Variants in RBFOX1 observed in about 807,000 individuals in gnomAD.
RBFOX1 encodes RNA binding fox-1 homolog 1.
In RBFOX1, 8 loss-of-function variants were observed where a neutral mutation model predicts 57.7. That is an observed-to-expected ratio of 0.14 (90% CI 0.08 to 0.25). The LOEUF (loss-of-function observed/expected upper bound fraction) is 0.25, where lower values mean the gene tolerates loss of function less well. Ranked by LOEUF, RBFOX1 falls within the 10% of genes least tolerant of loss-of-function variation. The pLI is 1.00. For missense variants in RBFOX1, 611 were observed against 548.5 expected (o/e 1.11, Z -1.14); for synonymous variants, 326 against 222.4 (o/e 1.47, Z -4.15).
At chr16:6,780,350 C>CATAT (rs1567216239) in intron 3 of RBFOX1, among the ~76,000 whole-genome samples, 4 of 82,956 alleles carry the variant, frequency 4.8e-5, no homozygotes, top group Non-Finnish European at 7.8e-5. Context: ...TATTTATATA[C>CATAT]ATATTTATAT....
intron 3 of RBFOX1, among the ~76,000 whole-genome samples, chr16:5,704,542 G>T (rs1030985657): frequency 6.6e-6 from 1 of 152,186 alleles, no homozygotes; most frequent in Non-Finnish European, 1.5e-5. Flanking sequence ...TTATTCAGCA[G>T]TCACACCGTT....
At chr16:6,613,507 C>G (rs572676446) in intron 2 of RBFOX1, among the ~76,000 whole-genome samples, 3 of 152,108 alleles carry the variant, frequency 2.0e-5, no homozygotes, top group African/African-American at 4.8e-5. Flanking sequence ...ATTAGCATCA[C>G]TTACATGCAA....
intron 1 of RBFOX1, among the ~76,000 whole-genome samples, chr16:6,300,106 G>C (rs1050772270): frequency 1.3e-5 from 2 of 152,122 alleles, no homozygotes; most frequent in African/African-American, 4.8e-5. Context: ...AACAAATACT[G>C]CATTATCTCA....
At chr16:6,239,340 C>G (rs975222761) in intron 1 of RBFOX1, among the ~76,000 whole-genome samples, 1 of 152,054 alleles carries the variant, frequency 6.6e-6, no homozygotes, top group Non-Finnish European at 1.5e-5. Flanking sequence ...GAAGGGACCA[C>G]AGTGTCCAAG....
chr16:5,334,746 A>G (rs1596554342), intron 1 of RBFOX1, among the ~76,000 whole-genome samples: 2 of 151,756 alleles, frequency 1.3e-5, no homozygotes, highest in South Asian at 2.1e-4. Flanking sequence ...ACCATGGGCA[A>G]TGTGGTACAC....
At chr16:5,283,226 G>A (rs1220816024) in intron 1 of RBFOX1, among the ~76,000 whole-genome samples, 1 of 152,234 alleles carries the variant, frequency 6.6e-6, no homozygotes, top group East Asian at 1.9e-4. Context: ...AGATGTCCAG[G>A]CAGCAGTTTG....
chr16:5,828,634 G>C (rs1330026260), intron 3 of RBFOX1, among the ~76,000 whole-genome samples: 2 of 152,172 alleles, frequency 1.3e-5, no homozygotes, highest in East Asian at 1.9e-4. Flanking sequence ...AGGAGGCAGA[G>C]GTTGCAGTGA....
chr16:5,853,463 C>G (rs1183067432), intron 3 of RBFOX1, among the ~76,000 whole-genome samples: 3 of 152,190 alleles, frequency 2.0e-5, no homozygotes, highest in Non-Finnish European at 4.4e-5. Flanking sequence ...CAGCCTGAGT[C>G]GGACACAGGC....
At chr16:6,554,103 A>C (rs1317528667) in intron 2 of RBFOX1, among the ~76,000 whole-genome samples, 2 of 152,222 alleles carry the variant, frequency 1.3e-5, no homozygotes. Flanking sequence ...GTGCAAAATG[A>C]AAATAACAAA....
At chr16:6,338,531 C>T (rs1166931071) in intron 2 of RBFOX1, among the ~76,000 whole-genome samples, 1 of 152,184 alleles carries the variant, frequency 6.6e-6, no homozygotes, top group Non-Finnish European at 1.5e-5. Context: ...AACAAATTCT[C>T]ATACAGTTGA....
At chr16:7,098,359 G>A (rs1383937124) in intron 4 of RBFOX1, among the ~76,000 whole-genome samples, 2 of 152,078 alleles carry the variant, frequency 1.3e-5, no homozygotes, top group Non-Finnish European at 1.5e-5. Context: ...TAGTGGAGAT[G>A]GGGTTTCGCC....
intron 3 of RBFOX1, among the ~76,000 whole-genome samples, chr16:6,895,627 G>C (rs2066703419): frequency 6.6e-6 from 1 of 151,520 alleles, no homozygotes; most frequent in South Asian, 2.1e-4. Flanking sequence ...AAAATGGAGA[G>C]TCATAGATCC....
intron 1 of RBFOX1, among the ~76,000 whole-genome samples, chr16:6,135,057 C>G (rs564529605): frequency 6.6e-6 from 1 of 152,112 alleles, no homozygotes; most frequent in Admixed American, 6.5e-5. Context: ...CAAGTGTTCT[C>G]GTTGTTCAAT....
intron 3 of RBFOX1, among the ~76,000 whole-genome samples, chr16:6,768,343 A>AT (rs144433815): frequency 0.11 from 17,395 of 151,734 alleles, 1,196 homozygotes; most frequent in African/African-American, 0.19. Context: ...TATTTCAAAA[A>AT]TTTTTTTTCT....
At chr16:7,431,765 C>A (rs1030324585) in intron 4 of RBFOX1, among the ~76,000 whole-genome samples, 1 of 152,146 alleles carries the variant, frequency 6.6e-6, no homozygotes, top group African/African-American at 2.4e-5. Flanking sequence ...GGTTAAGTGG[C>A]CTGCTTTAGA....
intron 3 of RBFOX1, among the ~76,000 whole-genome samples, chr16:6,850,216 A>G (rs2093991110): frequency 6.6e-6 from 1 of 152,216 alleles, no homozygotes; most frequent in Admixed American, 6.5e-5. Flanking sequence ...TGAAGCAGAA[A>G]TGATTCCTCT....
intron 1 of RBFOX1, among the ~76,000 whole-genome samples, chr16:5,378,442 A>T (rs889014121): frequency 1.3e-5 from 2 of 151,552 alleles, no homozygotes; most frequent in Non-Finnish European, 2.9e-5. Flanking sequence ...CTCCAGGAAG[A>T]GTCCTGGCTA....
At chr16:7,676,748 G>C (rs1473546128) in intron 13 of RBFOX1, 26 bp from the exon 14 acceptor site, 2 of 1,601,760 alleles carry the variant, frequency 1.2e-6, no homozygotes, top group South Asian at 1.1e-5. Context: ...CTACATTCCT[G>C]AGTCACATTT....
chr16:5,347,915 C>G (rs374857031), intron 1 of RBFOX1, among the ~76,000 whole-genome samples: 185 of 147,644 alleles, frequency 1.3e-3, no homozygotes, highest in African/African-American at 4.4e-3. Flanking sequence ...CCCCCTCCCC[C>G]CCATCAACCC....
Sources: allele counts gnomAD v4.1 joint callset (sites outside exome capture counted in the v4.1 genomes callset), GRCh38; gene constraint gnomAD v4.1.1; transcripts MANE v1.5; gene names NCBI Gene and HGNC (gene_info 2026-07-23, HGNC 2026-07-21).